NXPH1: variants seen among roughly 807,000 people sequenced by gnomAD.
NXPH1 encodes neurexophilin-1.
NXPH1 carries 5 observed loss-of-function variants against 23.7 expected under a neutral mutation model. The ratio of observed to expected loss-of-function variants is 0.21; its 90% CI spans 0.11 to 0.44. The LOEUF is 0.44. NXPH1 is among the 20% of genes least tolerant of loss of function. The pLI is 0.99. For synonymous variants in NXPH1, 144 were observed against 122.2 expected (o/e 1.18, Z -1.18); for missense variants, 324 against 321.6 (o/e 1.01, Z -0.06).
intron 2 of NXPH1, among the ~76,000 whole-genome samples, chr7:8,589,479 C>A (rs1325010681): frequency 6.6e-6 from 1 of 151,986 alleles, no homozygotes; most frequent in Non-Finnish European, 1.5e-5. Context: ...CTGCTGAAGA[C>A]ATGAGATGGT....
intron 2 of NXPH1, among the ~76,000 whole-genome samples, chr7:8,581,025 A>G (rs977287193): frequency 6.6e-6 from 1 of 152,198 alleles, no homozygotes; most frequent in African/African-American, 2.4e-5. Context: ...AAAGGGAGTT[A>G]CAATCAAGGA....
chr7:8,751,448 C>A lies in NXPH1; in HGVS notation c.495C>A (p.Val165=). ...HNSTGQGNVS[V]SLVPPTKIVE... ...CAACTGGTCAAGGGAATGTATCTGT[C>A]AGCTTGGTACCCCCTACAAAAATCG... The change falls in exon 3 of 3, where the codon GTC becomes GTA. Residue 165 remains valine, a synonymous_variant. Transcript: ENST00000405863. This position sits in a 1 kb window ranked among gnomAD's most constrained non-coding sequence, Gnocchi z 4.5. 1.2e-6 allele frequency: 2 copies of A among 1,613,814 alleles called. No individual in the cohort carries two copies. Among genetic ancestry groups the A allele is most frequent in the African/African-American group, 1.3e-5 (1 of 75,048 alleles).
rs576261877 is a variant in NXPH1 at position 8,747,101 on chromosome 7, G to C, written c.55-3907G>C. 2.0e-5 allele frequency among the ~76,000 whole-genome samples: 3 copies of C among 152,204 alleles called. No individual in the cohort carries two copies. The East Asian group carries it at 5.8e-4, about 29-fold the overall frequency. On this transcript the variant is annotated intron_variant, in intron 2 of 2. Coordinates refer to ENST00000405863, the MANE Select transcript of NXPH1 (RefSeq NM_152745.3). ...AGTGCCCTATTTAATCCTCACAACA[G>C]CCCTGTGAAGAAGATTGATATTATT... is the stretch of plus-strand genomic sequence containing the variant.
intron 2 of NXPH1, among the ~76,000 whole-genome samples, chr7:8,616,700 C>T (rs1049534996): frequency 6.6e-6 from 1 of 151,596 alleles, no homozygotes; most frequent in Admixed American, 6.6e-5. Flanking sequence ...CTTTTGAACA[C>T]AGTGAACTAA....
chr7:8,608,534 A>AG (rs2128628995), intron 2 of NXPH1, among the ~76,000 whole-genome samples: 1 of 152,216 alleles, frequency 6.6e-6, no homozygotes, highest in East Asian at 1.9e-4. Flanking sequence ...ATAAGAATGG[A>AG]GGTAGTGGCA....
intron 2 of NXPH1, among the ~76,000 whole-genome samples, chr7:8,513,179 G>T (rs1817637308): frequency 6.6e-6 from 1 of 152,080 alleles, no homozygotes; most frequent in Non-Finnish European, 1.5e-5. Flanking sequence ...TTTGAATGGG[G>T]TCATGAACAT....
chr7:8,512,152 A>C (rs995233216), intron 2 of NXPH1, among the ~76,000 whole-genome samples: 2 of 152,146 alleles, frequency 1.3e-5, no homozygotes, highest in East Asian at 3.9e-4. Flanking sequence ...CTCCTCTCCA[A>C]ATACAGCATT....
rs1157978965 is a variant in NXPH1 at position 8,434,118 on chromosome 7, G to A, written c.-748G>A. The A allele has an allele frequency of 6.6e-6, 1 of 152,290 alleles. No individual in the cohort carries two copies. The highest frequency in any genetic ancestry group is 1.9e-4 in the East Asian group (1 of 5,176). The allele number at this position is 152,290 out of a possible 1,614,324, so 9.4% of individuals were successfully genotyped here. Reference sequence around the variant, plus strand: ...GACTCCACTGGGGACCGGCTCCTGGGCTTCCCAGCGTCGCGGGTAGAGGTA... The same window carrying A: ...GACTCCACTGGGGACCGGCTCCTGGACTTCCCAGCGTCGCGGGTAGAGGTA... On this transcript the variant is annotated 5_prime_UTR_variant, in exon 1 of 3. Coordinates refer to ENST00000405863, the MANE Select transcript of NXPH1 (RefSeq NM_152745.3). The surrounding 1 kb of genome is among the most constrained non-coding windows in gnomAD (Gnocchi z 7.6).
At chr7:8,580,734 CT>C (rs57339152) in intron 2 of NXPH1, among the ~76,000 whole-genome samples, 4 of 149,590 alleles carry the variant, frequency 2.7e-5, no homozygotes, top group South Asian at 2.1e-4. Context: ...GTGTTGGTCA[CT>C]TTTTTTTTTC....
intron 2 of NXPH1, among the ~76,000 whole-genome samples, chr7:8,467,982 A>G (rs1168680192): frequency 2.0e-5 from 3 of 152,130 alleles, no homozygotes; most frequent in African/African-American, 7.2e-5. Flanking sequence ...CAGTTAATTA[A>G]TAAAGTTTAT....
intron 2 of NXPH1, among the ~76,000 whole-genome samples, chr7:8,533,724 A>T (rs1424683763): frequency 6.6e-6 from 1 of 152,168 alleles, no homozygotes; most frequent in African/African-American, 2.4e-5. Flanking sequence ...AATTAATTAC[A>T]AATAGGACCC....
intron 2 of NXPH1, among the ~76,000 whole-genome samples, chr7:8,460,117 A>G (rs1479781356): frequency 6.6e-6 from 1 of 152,204 alleles, no homozygotes; most frequent in Non-Finnish European, 1.5e-5. Context: ...TTTAATTTAC[A>G]AATGTAAGGA....
chr7:8,502,316 C>G (rs769949095), intron 2 of NXPH1, among the ~76,000 whole-genome samples: 3 of 151,940 alleles, frequency 2.0e-5, no homozygotes, highest in African/African-American at 4.8e-5. Flanking sequence ...TCCCAGGATT[C>G]CCTATCAAGG....
At chr7:8,555,601 G>A (rs1309414272) in intron 2 of NXPH1, among the ~76,000 whole-genome samples, 4 of 151,660 alleles carry the variant, frequency 2.6e-5, no homozygotes, top group Non-Finnish European at 5.9e-5. Flanking sequence ...AAGCACACCA[G>A]GTTGTAAAAG....
At chr7:8,733,581 C>T (rs997715396) in intron 2 of NXPH1, among the ~76,000 whole-genome samples, 7 of 152,042 alleles carry the variant, frequency 4.6e-5, no homozygotes, top group Admixed American at 6.6e-5. Flanking sequence ...TTCTAACTGG[C>T]GTGAGATAGT....
rs577374099 is a variant in NXPH1, at chr7:8,710,732, G to A, written c.55-40276G>A. Among the ~76,000 whole-genome samples the A allele has an allele frequency of 1.3e-4, 14 of 104,456 alleles. 1 individual carries two copies. The highest frequency in any genetic ancestry group is 9.8e-4 in the South Asian group (3 of 3,054). 68.5% of individuals were successfully genotyped at this position (104,456 alleles called of 152,430 possible). ...CTGCGGACTGCAGTGGCGCAATCTC[G>A]GCTCACTGCAAGCTCCGCTTCCCGG... On this transcript the variant is annotated intron_variant, in intron 2 of 2. Coordinates refer to ENST00000405863, the MANE Select transcript of NXPH1 (RefSeq NM_152745.3).
chr7:8,661,164 A>G (rs189686858), intron 2 of NXPH1, among the ~76,000 whole-genome samples: 7 of 152,296 alleles, frequency 4.6e-5, no homozygotes, highest in African/African-American at 1.7e-4. Context: ...CTAACCTCAG[A>G]ATATTTCACC....
intron 2 of NXPH1, among the ~76,000 whole-genome samples, chr7:8,689,387 A>C (rs978962053): frequency 1.1e-4 from 16 of 151,992 alleles, no homozygotes; most frequent in African/African-American, 3.9e-4. Context: ...TTCAAATGGG[A>C]AATTGAGGGA....
intron 2 of NXPH1, among the ~76,000 whole-genome samples, chr7:8,585,659 CTG>C (rs751106734): frequency 9.2e-5 from 14 of 152,096 alleles, no homozygotes; most frequent in Non-Finnish European, 1.5e-4. Flanking sequence ...TTTGGCTGGA[CTG>C]TTTATATTTC....
Sources: allele counts gnomAD v4.1 joint callset (sites outside exome capture counted in the v4.1 genomes callset), GRCh38; gene constraint gnomAD v4.1.1; non-coding constraint Gnocchi (gnomAD v3.1); transcripts MANE v1.5; gene names NCBI Gene and HGNC (gene_info 2026-07-23, HGNC 2026-07-21).